Variants in TRAPPC9 observed in about 807,000 individuals in gnomAD.
TRAPPC9 encodes the protein trafficking protein particle complex subunit 9.
A neutral mutation model predicts 124.0 loss-of-function variants in TRAPPC9; 83 were observed. That is an observed-to-expected ratio of 0.67 (90% CI 0.56 to 0.80). TRAPPC9 has a LOEUF of 0.80. TRAPPC9 is among the 30% of genes least tolerant of loss of function. The pLI, the probability that TRAPPC9 is intolerant of heterozygous loss-of-function variation, is 0.00. For synonymous variants in TRAPPC9, 638 were observed against 617.5 expected, an observed-to-expected ratio of 1.03 and a Z score of -0.49; for missense variants, 1,302 against 1,508.3, an observed-to-expected ratio of 0.86 and a Z score of 2.27.
At chr8:139,763,638 A>G (rs576958540) in intron 21 of TRAPPC9, among the ~76,000 whole-genome samples, 1 of 152,228 alleles carries the variant, frequency 6.6e-6, no homozygotes, top group East Asian at 1.9e-4. Flanking sequence ...ACGTGCACAC[A>G]TGTGCACACA....
At chr8:139,845,417 G>T (rs1025003622) in intron 21 of TRAPPC9, among the ~76,000 whole-genome samples, 5 of 152,222 alleles carry the variant, frequency 3.3e-5, no homozygotes, top group Admixed American at 2.6e-4. Context: ...GTGCCAGATG[G>T]CTAATAGCTT....
intron 17 of TRAPPC9, among the ~76,000 whole-genome samples, chr8:140,105,683 C>T (rs1191839479): frequency 1.3e-5 from 2 of 152,178 alleles, no homozygotes; most frequent in Admixed American, 6.5e-5. Context: ...CTCTGTGAAG[C>T]CTTTCCTCAG....
intron 20 of TRAPPC9, among the ~76,000 whole-genome samples, chr8:139,887,905 G>A (rs190904748): frequency 3.6e-4 from 55 of 152,326 alleles, no homozygotes; most frequent in Non-Finnish European, 5.3e-4. Flanking sequence ...AGGTAGGAGT[G>A]CAGAGGCCAC....
At chr8:140,318,239 A>AATTT (rs925635812) in intron 9 of TRAPPC9, among the ~76,000 whole-genome samples, 5 of 152,188 alleles carry the variant, frequency 3.3e-5, no homozygotes, top group African/African-American at 1.2e-4. Context: ...TCATAGCAAT[A>AATTT]ATTTTTATTA....
chr8:139,768,143 G>C (rs565232220), intron 21 of TRAPPC9, among the ~76,000 whole-genome samples: 3 of 152,170 alleles, frequency 2.0e-5, no homozygotes, highest in Non-Finnish European at 4.4e-5. Context: ...TTTGCATAAA[G>C]GAATACTATG....
chr8:140,268,127 G>A (rs1387229773), intron 15 of TRAPPC9, among the ~76,000 whole-genome samples: 1 of 108,446 alleles, frequency 9.2e-6, no homozygotes, highest in Non-Finnish European at 1.9e-5. Flanking sequence ...AATGGGCTCA[G>A]AATAAGGATA....
chr8:140,216,595 C>T lies in TRAPPC9; in HGVS notation c.2556+4864G>A, dbSNP rs1377120943. On this transcript the variant is annotated intron_variant, in intron 17 of 22. Coordinates refer to ENST00000438773, the MANE Select transcript of TRAPPC9 (RefSeq NM_001160372.4). The surrounding 1 kb of genome is among the most constrained non-coding windows in gnomAD (Gnocchi z 4.1). ...AACAAACTCCGCGTGCCTCTGAAAC[C>T]CTTGGCAGCCTGGCCTGTCTCCTCT... 1.3e-5 allele frequency among the ~76,000 whole-genome samples: 2 copies of T among 152,180 alleles called. No homozygotes were observed. The highest frequency in any genetic ancestry group is 2.9e-5 in the Non-Finnish European group (2 of 68,024).
chr8:139,875,304 G>A (rs1174426425), intron 21 of TRAPPC9, among the ~76,000 whole-genome samples: 1 of 152,196 alleles, frequency 6.6e-6, no homozygotes. Context: ...TCCACATGAG[G>A]GATGTCGTAG....
chr8:140,114,413 T>C (rs958310138), intron 17 of TRAPPC9, among the ~76,000 whole-genome samples: 4 of 152,104 alleles, frequency 2.6e-5, no homozygotes, highest in African/African-American at 9.7e-5. Context: ...CATGGTACTT[T>C]AGGCCCATGT....
chr8:140,336,829 C>T (rs543530294), intron 9 of TRAPPC9, among the ~76,000 whole-genome samples: 4 of 152,062 alleles, frequency 2.6e-5, no homozygotes, highest in South Asian at 4.1e-4. Flanking sequence ...AGGGCCGTGA[C>T]GATGGAAGGA....
chr8:140,287,430 C>T (rs1223820371), intron 13 of TRAPPC9, among the ~76,000 whole-genome samples, 178 bp downstream of exon 13: 1 of 152,138 alleles, frequency 6.6e-6, no homozygotes, highest in African/African-American at 2.4e-5. Context: ...CCTCCCACCA[C>T]CACACATCCC....
rs375987041 is a variant in TRAPPC9 at position 139,932,255 on chromosome 8, G to A, written c.2811-21955C>T. 1.9e-4 allele frequency: 87 copies of A among 450,876 alleles called. No individual in the cohort carries two copies. The Middle Eastern group carries it at 6.5e-3, about 34-fold the overall frequency. 27.9% of individuals were successfully genotyped at this position (450,876 alleles called of 1,614,324 possible). On this transcript the variant is annotated intron_variant, in intron 19 of 22. Transcript: ENST00000438773. ...TTCGCCGTGCAGCCGAGGGAGTCCC[G>A]CACCACGGGGCCTCGCTCAGGGTAG...
intron 9 of TRAPPC9, among the ~76,000 whole-genome samples, chr8:140,332,588 T>A (rs1312241984): frequency 1.3e-5 from 2 of 152,128 alleles, no homozygotes; most frequent in East Asian, 3.8e-4. Context: ...CACATAAACA[T>A]ATACAATTAC....
At chr8:139,941,388 GA>G (rs1833912017) in intron 19 of TRAPPC9, among the ~76,000 whole-genome samples, 1 of 152,222 alleles carries the variant, frequency 6.6e-6, no homozygotes, top group Non-Finnish European at 1.5e-5. Flanking sequence ...CCAATGCCCA[GA>G]AGTGAGGATT....
chr8:139,928,935 C>G (rs1224672891), intron 19 of TRAPPC9, among the ~76,000 whole-genome samples: 1 of 151,916 alleles, frequency 6.6e-6, no homozygotes, highest in East Asian at 1.9e-4. Context: ...CTCCTCGGTC[C>G]CTAAGACAAC....
At chr8:140,114,332 G>A (rs115218876) in intron 17 of TRAPPC9, among the ~76,000 whole-genome samples, 1,532 of 116,746 alleles carry the variant, frequency 0.013, no homozygotes, top group Non-Finnish European at 0.016. Context: ...AAGGACTGAA[G>A]AAAAAAAAAA....
intron 17 of TRAPPC9, among the ~76,000 whole-genome samples, chr8:140,141,786 G>A (rs1419214237): frequency 2.0e-5 from 3 of 152,208 alleles, no homozygotes; most frequent in South Asian, 2.1e-4. Flanking sequence ...GCACCCCGGC[G>A]GGCGGCAGTG....
intron 17 of TRAPPC9, among the ~76,000 whole-genome samples, chr8:140,079,688 T>C (rs1003123293): frequency 3.9e-5 from 6 of 152,152 alleles, no homozygotes; most frequent in Non-Finnish European, 7.4e-5. Context: ...CCCAGCACTT[T>C]GGGAGGCCAA....
chr8:140,157,129 TC>T (rs1469271453), intron 17 of TRAPPC9, among the ~76,000 whole-genome samples: 73 of 119,788 alleles, frequency 6.1e-4, no homozygotes, highest in Admixed American at 1.2e-3. Context: ...GCCTCCCTTT[TC>T]CATTCAGAAG....
Sources: gnomAD v4.1 joint callset for allele counts (sites outside exome capture counted in the v4.1 genomes callset) on GRCh38, gnomAD v4.1.1 for gene constraint, Gnocchi (gnomAD v3.1) non-coding constraint, MANE v1.5 for transcripts, NCBI Gene and HGNC (gene_info 2026-07-23, HGNC 2026-07-21) for gene names.